RPGR: variants seen among roughly 807,000 people sequenced by gnomAD.
RPGR encodes X-linked retinitis pigmentosa GTPase regulator.
Under a neutral mutation model 56.3 loss-of-function variants are expected in RPGR, and 10 were observed. That is an observed-to-expected ratio of 0.18 (90% CI 0.11 to 0.30). The LOEUF (loss-of-function observed/expected upper bound fraction) is 0.30, where lower values mean the gene tolerates loss of function less well. Ranked by LOEUF, RPGR falls within the 10% of genes least tolerant of loss-of-function variation. The pLI, the probability that RPGR is intolerant of heterozygous loss-of-function variation, is 1.00. For synonymous variants in RPGR, 197 were observed against 212.9 expected (o/e 0.93, Z 0.65); for missense variants, 538 against 590.9 (o/e 0.91, Z 0.93).
chrX:38,327,393 G>C lies in RPGR; in HGVS notation c.-26C>G, dbSNP rs997032022. Reference sequence around the variant, plus strand: ...GCCACGGGCAGTACGGGCAGCCTGCGCCGGGGCCAGGAGGCTGTAGAGGAC... The same window carrying C: ...GCCACGGGCAGTACGGGCAGCCTGCCCCGGGGCCAGGAGGCTGTAGAGGAC... On this transcript the variant is annotated 5_prime_UTR_variant, in exon 1 of 19. Transcript: ENST00000642395. 8.5e-7 allele frequency: 1 copy of C among 1,173,122 alleles called. No homozygotes were observed. Among genetic ancestry groups the C allele is most frequent in the African/African-American group, 1.8e-5 (1 of 56,560 alleles).
At chrX:38,305,345 G>A (rs2067575884) in intron 7 of RPGR, among the ~76,000 whole-genome samples, 1 of 111,160 alleles carries the variant, frequency 9.0e-6, no homozygotes, top group South Asian at 3.7e-4. Context: ...AACCCAGGTG[G>A]CAGAGGTTGC....
At chrX:38,282,806 A>AGCC (rs1209948138) in intron 15 of RPGR, among the ~76,000 whole-genome samples, 1 of 110,284 alleles carries the variant, frequency 9.1e-6, no homozygotes, top group African/African-American at 3.3e-5. Flanking sequence ...CAGCAGCAGC[A>AGCC]GTTTCTGTGG....
intron 15 of RPGR, among the ~76,000 whole-genome samples, chrX:38,280,643 C>T (rs1381794421): frequency 9.0e-6 from 1 of 111,702 alleles, no homozygotes; most frequent in East Asian, 2.8e-4. Flanking sequence ...AGCGATCTTC[C>T]CACTTCAGCC....
intron 9 of RPGR, 44 bp from the exon 10 acceptor site, chrX:38,299,185 A>C: frequency 8.6e-7 from 1 of 1,159,831 alleles, no homozygotes; most frequent in Non-Finnish European, 1.2e-6. Context: ...ATTGGCTTCA[A>C]ACACAAATGA....
intron 2 of RPGR, 38 bp from the exon 3 acceptor site, chrX:38,322,983 T>G: frequency 9.8e-7 from 1 of 1,016,668 alleles, no homozygotes; most frequent in Non-Finnish European, 1.4e-6. Context: ...ATTGAAGCAT[T>G]TTTCACATAA....
intron 1 of RPGR, among the ~76,000 whole-genome samples, chrX:38,325,391 G>A (rs1435406437): frequency 1.8e-5 from 2 of 111,210 alleles, no homozygotes; most frequent in South Asian, 7.5e-4. Flanking sequence ...TGAATGTTTT[G>A]TTTACCAATT....
intron 4 of RPGR, among the ~76,000 whole-genome samples, chrX:38,320,308 G>C (rs1455062855): frequency 1.8e-5 from 2 of 110,787 alleles, no homozygotes; most frequent in Non-Finnish European, 3.8e-5. Flanking sequence ...GGGGGAAGGT[G>C]GTAGGAAGTA....
In RPGR at chrX:38,285,728, T is replaced by C. The variant is rs1049625142; in HGVS notation, c.1905+1366A>G. 5 of 1,209,055 alleles carry C rather than the reference T, an allele frequency of 4.1e-6. No individual in the cohort carries two copies. In the Admixed American group the frequency reaches 6.6e-5, roughly 16 times the overall value. The stretch of plus-strand genomic sequence containing the variant: ...TTGCCATATTTCACAGATCCTTTTA[T>C]TTTGCTCACTTTTTTGTACTCCTCT... On this transcript the variant is annotated intron_variant, in intron 15 of 18. Coordinates refer to ENST00000642395, the MANE Select transcript of RPGR (RefSeq NM_000328.3).
Position 38,301,380 on chromosome X carries a change from C to T in RPGR, c.935-9G>A. 1 of 1,194,826 alleles carries T rather than the reference C, an allele frequency of 8.4e-7. No individual in the cohort carries two copies. The highest frequency in any genetic ancestry group is 1.1e-6 in the Non-Finnish European group (1 of 881,051). ...ATACATAAGGCCGATATCTAAAATG[C>T]AAAAATAATGAAGAGAATTATAAAA... On this transcript the variant is annotated splice_polypyrimidine_tract_variant and intron_variant, in intron 8 of 18. Coordinates refer to ENST00000642395, the MANE Select transcript of RPGR (RefSeq NM_000328.3).
intron 15 of RPGR, among the ~76,000 whole-genome samples, chrX:38,277,266 G>A (rs2066951940): frequency 1.0e-5 from 1 of 97,289 alleles, no homozygotes; most frequent in African/African-American, 4.5e-5. Flanking sequence ...AAGGAACATA[G>A]ACAGTTTAAA....
Position 38,327,382 on chromosome X carries a change from G to T in RPGR, c.-15C>A. The T allele has an allele frequency of 8.5e-7, 1 of 1,182,435 alleles. No homozygotes were observed. The stretch of plus-strand genomic sequence containing the variant: ...GGCTCCCTCATGCCACGGGCAGTAC[G>T]GGCAGCCTGCGCCGGGGCCAGGAGG... On this transcript the variant is annotated 5_prime_UTR_variant, in exon 1 of 19. Transcript: ENST00000642395.
At chrX:38,287,563 C>G (rs1444092519) in intron 14 of RPGR, 2 of 505,399 alleles carry the variant, frequency 4.0e-6, no homozygotes, top group Non-Finnish European at 7.1e-6. Flanking sequence ...ATTTTCTTCA[C>G]TCTCAGTATT....
At chrX:38,295,130 C>T (rs891788324) in intron 11 of RPGR, among the ~76,000 whole-genome samples, 2 of 112,185 alleles carry the variant, frequency 1.8e-5, no homozygotes, top group African/African-American at 6.5e-5. Context: ...TTCTCCAATA[C>T]TGCTTTATCT....
At chrX:38,305,016 T>A in intron 7 of RPGR, among the ~76,000 whole-genome samples, 1 of 112,122 alleles carries the variant, frequency 8.9e-6, no homozygotes, top group Middle Eastern at 4.6e-3. Context: ...TGGGTATGAT[T>A]TTATCTTTTA....
intron 11 of RPGR, among the ~76,000 whole-genome samples, chrX:38,294,760 A>G (rs2067346856): frequency 8.9e-6 from 1 of 112,011 alleles, no homozygotes; most frequent in Non-Finnish European, 1.9e-5. Flanking sequence ...TTTAATTCAC[A>G]CGTATGTGTG....
In RPGR at chrX:38,285,569, C is replaced by T. The variant is rs12688514; in HGVS notation, c.1905+1525G>A. ...TTCAATTCCAAGTAATGTGGTAATA[C>T]ATTATTCCAGAACTTTTTGGAACCT... is the stretch of plus-strand genomic sequence containing the variant. On this transcript the variant is annotated intron_variant, in intron 15 of 18. Transcript: ENST00000642395. 122,724 of 1,209,237 alleles carry T rather than the reference C, an allele frequency of 0.1. 6,166 individuals carry two copies. Among genetic ancestry groups the T allele is most frequent in the East Asian group, 0.41 (13,790 of 33,673 alleles).
At chrX:38,273,605 T>C (rs1345950278) in intron 17 of RPGR, 19 of 477,785 alleles carry the variant, frequency 4.0e-5, no homozygotes, top group Non-Finnish European at 2.2e-5. Flanking sequence ...CCTGGAGTAG[T>C]GGACAACATC....
At chrX:38,314,528 C>T (rs1472232076) in intron 6 of RPGR, among the ~76,000 whole-genome samples, 1 of 111,294 alleles carries the variant, frequency 9.0e-6, no homozygotes, top group African/African-American at 3.3e-5. Context: ...AACTCATTTA[C>T]TTATATCCCC....
chrX:38,326,694 T>C (rs2068051822), intron 1 of RPGR: 1 of 111,285 alleles, frequency 9.0e-6, no homozygotes, highest in Non-Finnish European at 1.9e-5. Context: ...CTGCATTCAA[T>C]ACATAACCGG....
Sources: gnomAD v4.1 joint callset for allele counts (sites outside exome capture counted in the v4.1 genomes callset) on GRCh38, gnomAD v4.1.1 for gene constraint, MANE v1.5 for transcripts, NCBI Gene and HGNC (gene_info 2026-07-23, HGNC 2026-07-21) for gene names.